The following TMEM117 variants were observed in gnomAD, a reference collection of about 807,000 sequenced individuals.
The protein encoded by TMEM117 is transmembrane protein 117.
TMEM117 carries 27 observed loss-of-function variants against 52.4 expected under a neutral mutation model. The ratio of observed to expected loss-of-function variants is 0.51; its 90% CI spans 0.38 to 0.71. TMEM117 has a LOEUF of 0.71. Ranked by LOEUF, TMEM117 falls within the 30% of genes least tolerant of loss-of-function variation. The pLI is 0.00. For synonymous variants in TMEM117, 215 were observed against 206.3 expected (o/e 1.04, Z -0.36); for missense variants, 556 against 630.5 (o/e 0.88, Z 1.26).
intron 2 of TMEM117, among the ~76,000 whole-genome samples, chr12:43,895,119 A>C (rs1944176344): frequency 6.6e-6 from 1 of 151,962 alleles, no homozygotes; most frequent in East Asian, 1.9e-4. Context: ...TCCATTAGTT[A>C]TTTTTCCTGA....
At chr12:44,309,615 G>T (rs1016265216) in intron 6 of TMEM117, among the ~76,000 whole-genome samples, 8 of 151,918 alleles carry the variant, frequency 5.3e-5, no homozygotes, top group Non-Finnish European at 1.0e-4. Flanking sequence ...ATATGTACTG[G>T]GCACTGTCCT....
chr12:44,190,449 T>G (rs1949336306), intron 4 of TMEM117, among the ~76,000 whole-genome samples: 1 of 152,132 alleles, frequency 6.6e-6, no homozygotes, highest in African/African-American at 2.4e-5. Context: ...GCTCGGCAAC[T>G]GTGTGCCAGG....
chr12:44,078,107 AG>A (rs1947411917), intron 3 of TMEM117, among the ~76,000 whole-genome samples: 1 of 152,218 alleles, frequency 6.6e-6, no homozygotes, highest in South Asian at 2.1e-4. Context: ...ATAAAAACTC[AG>A]AAAAAGTAAA....
intron 3 of TMEM117, among the ~76,000 whole-genome samples, chr12:44,072,225 A>T (rs1399304770): frequency 1.3e-5 from 2 of 152,090 alleles, no homozygotes; most frequent in Non-Finnish European, 2.9e-5. Flanking sequence ...CAAAAAAAAA[A>T]ATTAAGAGGC....
chr12:44,199,761 A>C (rs1949468600), intron 4 of TMEM117, among the ~76,000 whole-genome samples: 1 of 152,184 alleles, frequency 6.6e-6, no homozygotes, highest in Admixed American at 6.5e-5. Flanking sequence ...CCAATGTGGG[A>C]CTATGGTATT....
chr12:43,890,495 G>T (rs1284880188), intron 2 of TMEM117, among the ~76,000 whole-genome samples: 1 of 151,970 alleles, frequency 6.6e-6, no homozygotes, highest in Non-Finnish European at 1.5e-5. Flanking sequence ...GCTAGAGAAA[G>T]AATTTATCCA....
intron 3 of TMEM117, among the ~76,000 whole-genome samples, chr12:44,089,171 T>C (rs1280474253): frequency 6.6e-6 from 1 of 152,150 alleles, no homozygotes; most frequent in East Asian, 1.9e-4. Context: ...CAATGTTAAA[T>C]GTTCTTTGAA....
intron 3 of TMEM117, among the ~76,000 whole-genome samples, chr12:44,096,121 A>C (rs999524273): frequency 5.3e-5 from 8 of 152,216 alleles, no homozygotes; most frequent in Middle Eastern, 3.2e-3. Context: ...CAATTGCTTC[A>C]AAGAGAATAA....
chr12:44,293,645 T>C (rs1475136648), intron 5 of TMEM117, among the ~76,000 whole-genome samples: 3 of 152,122 alleles, frequency 2.0e-5, no homozygotes, highest in Non-Finnish European at 4.4e-5. Flanking sequence ...ACATTCCATT[T>C]TAAGTTGATA....
intron 2 of TMEM117, among the ~76,000 whole-genome samples, chr12:43,907,508 C>T (rs1442225386): frequency 2.6e-5 from 4 of 151,386 alleles, no homozygotes; most frequent in East Asian, 3.9e-4. Flanking sequence ...ATGACTTTGA[C>T]GAGCTGAGAG....
At chr12:44,098,502 A>C (rs1390294510) in intron 3 of TMEM117, among the ~76,000 whole-genome samples, 2 of 152,062 alleles carry the variant, frequency 1.3e-5, no homozygotes, top group Non-Finnish European at 2.9e-5. Flanking sequence ...GAGAATGAAT[A>C]CCAGAGTCAA....
intron 6 of TMEM117, 142 bp from the exon 7 acceptor site, chr12:44,376,453 C>A: frequency 1.0e-6 from 1 of 968,524 alleles, no homozygotes; most frequent in Non-Finnish European, 1.6e-6. Flanking sequence ...AAATAACCAT[C>A]ACAGAATGAA....
chr12:43,823,505 ATTTC>A, the TMEM117 span, among the ~76,000 whole-genome samples: 6 of 152,030 alleles, frequency 3.9e-5, no homozygotes, highest in South Asian at 1.2e-3. Flanking sequence ...TTTCATTTTT[ATTTC>A]TTTATTTATT....
chr12:43,855,279 T>G (rs1272349917), intron 2 of TMEM117, among the ~76,000 whole-genome samples: 1 of 151,938 alleles, frequency 6.6e-6, no homozygotes, highest in African/African-American at 2.4e-5. Flanking sequence ...TTTTTTTTTT[T>G]GAGATGGAGT....
intron 3 of TMEM117, among the ~76,000 whole-genome samples, chr12:43,992,568 C>T (rs1461356143): frequency 4.6e-5 from 7 of 152,186 alleles, no homozygotes; most frequent in Non-Finnish European, 8.8e-5. Flanking sequence ...CATAAGCCAC[C>T]ATGCCCAACC....
chr12:44,307,876 T>C lies in TMEM117; in HGVS notation c.768+8137T>C, dbSNP rs369659227. ...AGAAGGTAATAGTGAGCTGGAAGCA[T>C]TGGGTTTATCAGGCAAAAACTTTTA... On this transcript the variant is annotated intron_variant, in intron 6 of 7. Transcript: ENST00000266534. 2.6e-4 allele frequency among the ~76,000 whole-genome samples: 40 copies of C among 152,276 alleles called. No individual in the cohort carries two copies. In the South Asian group the frequency reaches 6.0e-3, roughly 23 times the overall value.
the TMEM117 span, among the ~76,000 whole-genome samples, chr12:43,814,912 T>A: frequency 6.6e-6 from 1 of 151,994 alleles, no homozygotes; most frequent in Non-Finnish European, 1.5e-5. Context: ...GCCCAGCTAA[T>A]TTTTTTATTT....
At chr12:43,905,581 G>A (rs1380271527) in intron 2 of TMEM117, among the ~76,000 whole-genome samples, 1 of 152,150 alleles carries the variant, frequency 6.6e-6, no homozygotes, top group Non-Finnish European at 1.5e-5. Flanking sequence ...ATAGCAGAAA[G>A]TTGTCTTTCT....
At chr12:44,342,826 C>T (rs1159601630) in intron 6 of TMEM117, among the ~76,000 whole-genome samples, 1 of 152,020 alleles carries the variant, frequency 6.6e-6, no homozygotes, top group Non-Finnish European at 1.5e-5. Context: ...TTTTAACATT[C>T]TTCTTGATAA....
Sources: gnomAD v4.1 joint callset for allele counts (sites outside exome capture counted in the v4.1 genomes callset) on GRCh38, gnomAD v4.1.1 for gene constraint, MANE v1.5 for transcripts, NCBI Gene and HGNC (gene_info 2026-07-23, HGNC 2026-07-21) for gene names.